TENM2: variants seen among roughly 807,000 people sequenced by gnomAD.
The protein encoded by TENM2 is teneurin transmembrane protein 2.
A neutral mutation model predicts 245.2 loss-of-function variants in TENM2; 52 were observed. That is an observed-to-expected ratio of 0.21 (90% CI 0.17 to 0.27). TENM2 has a LOEUF of 0.27. TENM2 is among the 10% of genes least tolerant of loss of function. The pLI, the probability that TENM2 is intolerant of heterozygous loss-of-function variation, is 1.00. For missense variants in TENM2, 3,046 were observed against 3,666.8 expected, an observed-to-expected ratio of 0.83 and a Z score of 4.37; for synonymous variants, 1,363 against 1,438.9, an observed-to-expected ratio of 0.95 and a Z score of 1.19.
In TENM2 at chr5:168,226,274, A is replaced by G. The variant is rs1300633280; in HGVS notation, c.5284+11A>G. On this transcript the variant is annotated intron_variant, in intron 24 of 28. Coordinates refer to ENST00000518659, the Ensembl canonical transcript of TENM2. Reference sequence around the variant, plus strand: ...ACACAGTGGTACAAGGTGAGCCTCCACCCATACCATCCTACCCCCAAACTC... The same window carrying G: ...ACACAGTGGTACAAGGTGAGCCTCCGCCCATACCATCCTACCCCCAAACTC... 6 of 1,609,984 alleles carry G rather than the reference A, an allele frequency of 3.7e-6. No individual in the cohort carries two copies. The highest frequency in any genetic ancestry group is 1.7e-4 in the Middle Eastern group (1 of 6,044).
intron 1 of TENM2, chr5:167,307,871 G>A (rs1010285344): frequency 6.6e-6 from 1 of 152,242 alleles, no homozygotes. Context: ...CTTTGCTGTT[G>A]CTATCTTTTG....
chr5:168,136,887 G>C (rs547867281), intron 12 of TENM2, among the ~76,000 whole-genome samples: 35 of 152,268 alleles, frequency 2.3e-4, no homozygotes, highest in African/African-American at 7.7e-4. Flanking sequence ...CCTTCATTTT[G>C]AGCCAGCTCA....
intron 3 of TENM2, among the ~76,000 whole-genome samples, chr5:167,916,657 A>T (rs753989923): frequency 9.9e-5 from 15 of 151,974 alleles, no homozygotes; most frequent in Non-Finnish European, 1.8e-4. Flanking sequence ...AGTAGAGTTC[A>T]CCTTGAAAGG....
At chr5:168,170,510 A>AAG (rs952342838) in intron 13 of TENM2, among the ~76,000 whole-genome samples, 15 of 151,316 alleles carry the variant, frequency 9.9e-5, no homozygotes, top group Admixed American at 6.6e-4. Context: ...CCATCTCAAA[A>AAG]AGAGAGAGAG....
chr5:167,543,170 G>A (rs1183655556), intron 2 of TENM2, among the ~76,000 whole-genome samples: 4 of 152,124 alleles, frequency 2.6e-5, no homozygotes, highest in Non-Finnish European at 4.4e-5. Context: ...CGTTTAGAGA[G>A]CATCGGAGGG....
intron 5 of TENM2, among the ~76,000 whole-genome samples, chr5:168,024,846 T>G (rs1786466198): frequency 6.6e-6 from 1 of 152,186 alleles, no homozygotes; most frequent in African/African-American, 2.4e-5. Flanking sequence ...AATGATTCCT[T>G]AGCTGCAAAA....
the TENM2 span, among the ~76,000 whole-genome samples, chr5:167,264,041 G>A: frequency 6.6e-6 from 1 of 150,988 alleles, no homozygotes; most frequent in Non-Finnish European, 1.5e-5. Context: ...GGAGGTGGAG[G>A]TTAGAGTGAG....
chr5:167,320,345 T>C (rs1388354230), intron 1 of TENM2, among the ~76,000 whole-genome samples: 1 of 152,150 alleles, frequency 6.6e-6, no homozygotes, highest in Non-Finnish European at 1.5e-5. Context: ...CACTGAAATA[T>C]AGTTAGGACC....
At chr5:167,076,356 A>T in the TENM2 span, among the ~76,000 whole-genome samples, 1 of 152,232 alleles carries the variant, frequency 6.6e-6, no homozygotes, top group African/African-American at 2.4e-5. Flanking sequence ...AAAGAGAAAG[A>T]CAGTAAAAAA....
At position 168,106,353 on chromosome 5, in the gene TENM2, A is replaced by G. The variant is rs574972723; in HGVS notation, c.1813+8226A>G. ...CCAGCACTAAAAACAAATCATCATCATCATCATCATCATCAGAGCTGGCAT... is the reference window on the plus strand; with the variant it reads ...CCAGCACTAAAAACAAATCATCATCGTCATCATCATCATCAGAGCTGGCAT... On this transcript the variant is annotated intron_variant, in intron 9 of 28. Transcript: ENST00000518659. Among the ~76,000 whole-genome samples, 7 of 152,244 alleles carry G rather than the reference A, an allele frequency of 4.6e-5. No individual in the cohort carries two copies. In the East Asian group the frequency reaches 1.4e-3, roughly 29 times the overall value.
intron 2 of TENM2, among the ~76,000 whole-genome samples, chr5:167,792,655 C>A (rs570287159): frequency 2.7e-5 from 4 of 149,588 alleles, no homozygotes; most frequent in Non-Finnish European, 4.4e-5. Context: ...CACAGTAGAA[C>A]ATAATGGCTC....
At chr5:168,236,971 TATATATATATATA>T (rs1765529559) in intron 25 of TENM2, among the ~76,000 whole-genome samples, 1 of 8,014 alleles carries the variant, frequency 1.2e-4, no homozygotes, top group Non-Finnish European at 2.3e-4. Flanking sequence ...TATATATATA[TATATATATATATA>T]TATATATATA....
intron 4 of TENM2, among the ~76,000 whole-genome samples, chr5:167,982,069 C>T (rs1281841704): frequency 6.6e-6 from 1 of 152,118 alleles, no homozygotes; most frequent in Non-Finnish European, 1.5e-5. Flanking sequence ...CTTCCTGCCA[C>T]TGGCCCGGAA....
At position 167,299,982 on chromosome 5, in the gene TENM2, T is replaced by C. The variant is rs549379612; in HGVS notation, c.226+14919T>C. ...GCATAGTTTGTGATTTTTAGGGCCT[T>C]TAAAAGTATTAAAGCAGCAGCAGCT... On this transcript the variant is annotated intron_variant, in intron 1 of 28. Coordinates refer to ENST00000518659, the Ensembl canonical transcript of TENM2. Among the ~76,000 whole-genome samples the C allele has an allele frequency of 2.6e-5, 4 of 152,212 alleles. No individual in the cohort carries two copies. In the East Asian group the frequency reaches 5.8e-4, roughly 22 times the overall value.
intron 2 of TENM2, among the ~76,000 whole-genome samples, chr5:167,565,067 G>A (rs923671822): frequency 1.3e-5 from 2 of 152,236 alleles, no homozygotes; most frequent in African/African-American, 2.4e-5. Context: ...ATCCAGAAAA[G>A]AAATGGTGAT....
At chr5:167,425,750 T>C (rs1763774531) in intron 2 of TENM2, among the ~76,000 whole-genome samples, 1 of 152,048 alleles carries the variant, frequency 6.6e-6, no homozygotes, top group Non-Finnish European at 1.5e-5. Context: ...ATGCTGCTGC[T>C]GCTGCTGCTG....
intron 13 of TENM2, among the ~76,000 whole-genome samples, chr5:168,185,659 AT>A (rs907308445): frequency 4.0e-5 from 6 of 148,192 alleles, no homozygotes; most frequent in African/African-American, 1.5e-4. Context: ...AAAAAAAAAA[AT>A]GTAAATTCTG....
At chr5:167,242,456 C>T in the TENM2 span, among the ~76,000 whole-genome samples, 1 of 152,064 alleles carries the variant, frequency 6.6e-6, no homozygotes, top group South Asian at 2.1e-4. Flanking sequence ...ATACAGTTGA[C>T]CTTTGAAGAA....
At chr5:167,758,203 A>G (rs1233159602) in intron 2 of TENM2, among the ~76,000 whole-genome samples, 1 of 152,204 alleles carries the variant, frequency 6.6e-6, no homozygotes, top group Non-Finnish European at 1.5e-5. Flanking sequence ...CTATAGTGTC[A>G]TTATGATGAC....
Sources: gnomAD v4.1 joint callset for allele counts (sites outside exome capture counted in the v4.1 genomes callset) on GRCh38, gnomAD v4.1.1 for gene constraint, MANE v1.5 for transcripts, NCBI Gene and HGNC (gene_info 2026-07-23, HGNC 2026-07-21) for gene names.